Variants in CPOX observed in about 807,000 individuals in gnomAD.
CPOX encodes the protein oxygen-dependent coproporphyrinogen-III oxidase, mitochondrial.
Under a neutral mutation model 48.9 loss-of-function variants are expected in CPOX, and 24 were observed. The ratio of observed to expected loss-of-function variants is 0.49; its 90% CI spans 0.36 to 0.69. CPOX has a LOEUF of 0.69. Ranked by LOEUF, CPOX falls within the 30% of genes least tolerant of loss-of-function variation. The pLI is 0.00. For missense variants in CPOX, 549 were observed against 597.3 expected (o/e 0.92, Z 0.84); for synonymous variants, 249 against 234.6 (o/e 1.06, Z -0.56).
At chr3:98,582,547 C>A (rs933169873) in intron 5 of CPOX, among the ~76,000 whole-genome samples, 2 of 151,066 alleles carry the variant, frequency 1.3e-5, no homozygotes, top group Non-Finnish European at 2.9e-5. Flanking sequence ...GGCTGGAGTG[C>A]AGTGGCGCAA....
the CPOX span, among the ~76,000 whole-genome samples, chr3:98,570,667 A>G: frequency 6.6e-6 from 1 of 152,226 alleles, no homozygotes; most frequent in Non-Finnish European, 1.5e-5. Flanking sequence ...AAAGATTTTA[A>G]TTAAATACTT....
chr3:98,577,863 G>A (rs1456539351), downstream of CPOX, among the ~76,000 whole-genome samples: 1 of 152,178 alleles, frequency 6.6e-6, no homozygotes, highest in Non-Finnish European at 1.5e-5. Context: ...TCTAAATATT[G>A]TAACAGCAAA....
intron 6 of CPOX, 55 bp downstream of exon 6, chr3:98,581,352 G>T: frequency 2.4e-6 from 3 of 1,228,366 alleles, no homozygotes; most frequent in Non-Finnish European, 2.4e-6. Flanking sequence ...ATATTTTGTG[G>T]GTGTTTGGGA....
Position 98,580,663 on chromosome 3 carries a change from G to T in CPOX, c.*20C>A, listed in dbSNP as rs1188634517. 1.9e-6 allele frequency: 3 copies of T among 1,613,956 alleles called. No homozygotes were observed. Among genetic ancestry groups the T allele is most frequent in the East Asian group, 2.2e-5 (1 of 44,870 alleles). On this transcript the variant is annotated 3_prime_UTR_variant, in exon 7 of 7. Coordinates refer to ENST00000647941, the MANE Select transcript of CPOX (RefSeq NM_000097.7). ...CACATCGTGTGCCCTCCAAACCCCT[G>T]CACAGCCATTCTGCCTGCATCAACG...
downstream of CPOX, among the ~76,000 whole-genome samples, chr3:98,578,618 C>T (rs1707195665): frequency 6.6e-6 from 1 of 152,176 alleles, no homozygotes; most frequent in South Asian, 2.1e-4. Context: ...TCCCCTAACC[C>T]CTGCCATCCA....
chr3:98,575,789 C>T (rs1477700061), downstream of CPOX, among the ~76,000 whole-genome samples: 2 of 151,366 alleles, frequency 1.3e-5, no homozygotes, highest in East Asian at 1.9e-4. Flanking sequence ...AAAAATTAGC[C>T]GGGTGTGCTG....
downstream of CPOX, among the ~76,000 whole-genome samples, chr3:98,575,219 G>A (rs73858713): frequency 0.028 from 4,228 of 152,256 alleles, 198 homozygotes; most frequent in African/African-American, 0.096. Context: ...ACACATCCAT[G>A]ACAGAGTCAG....
chr3:98,580,119 C>T lies in CPOX; in HGVS notation c.*564G>A. On this transcript the variant is annotated 3_prime_UTR_variant, in exon 7 of 7. Coordinates refer to ENST00000647941, the MANE Select transcript of CPOX (RefSeq NM_000097.7). ...CATGCAGAGATTATTTCAAGTGCTT[C>T]TAAATACCTATTAGAAAAATGTGTA... The T allele has an allele frequency of 2.3e-6, 2 of 853,616 alleles. No individual in the cohort carries two copies. 52.9% of individuals were successfully genotyped at this position (853,616 alleles called of 1,614,324 possible).
rs1277064972 is a variant in CPOX, at chr3:98,590,739, T to C, written c.704A>G (p.Lys235Arg). The C allele has an allele frequency of 6.2e-7, 1 of 1,608,704 alleles. No homozygotes were observed. The highest frequency in any genetic ancestry group is 1.7e-5 in the Admixed American group (1 of 60,006). Residue 235 changes from lysine to arginine, a missense_variant, in exon 3 of 7, where the codon AAA (lysine) becomes AGA (arginine). Physicochemically the swap from Lys to Arg is conservative, Grantham distance 26 (BLOSUM62 2). This residue lies in a region of CPOX where 213 missense variants were observed against 279.1 expected (regional missense o/e 0.76). Transcript: ENST00000647941. ...RGKVLKTKDGKLPFCAMGVSS... is the reference protein window; with the variant it reads ...RGKVLKTKDGRLPFCAMGVSS... The stretch of plus-strand genomic sequence containing the variant: ...CACGCCCATAGCACAAAATGGCAAT[T>C]TACCTGGAAAGTAAAATATGAGTCA...
chr3:98,572,807 T>C, the CPOX span, among the ~76,000 whole-genome samples: 1 of 152,208 alleles, frequency 6.6e-6, no homozygotes, highest in Non-Finnish European at 1.5e-5. Context: ...ATCAAGACAT[T>C]CTGCTTTCTT....
intron 3 of CPOX, chr3:98,589,598 A>C (rs1181943893): frequency 1.3e-5 from 2 of 152,462 alleles, no homozygotes; most frequent in Non-Finnish European, 2.9e-5. Context: ...TCCTTGTATT[A>C]AGAACCATTG....
downstream of CPOX, among the ~76,000 whole-genome samples, chr3:98,577,398 A>G (rs552273140): frequency 8.1e-4 from 123 of 152,290 alleles, 1 homozygote; most frequent in African/African-American, 2.9e-3. Context: ...CAGGGAGAGC[A>G]TTGCAAAAGT....
intron 4 of CPOX, chr3:98,585,879 C>A (rs562886526): frequency 2.5e-6 from 1 of 407,088 alleles, no homozygotes; most frequent in South Asian, 2.8e-5. Context: ...CTTTTCTTTT[C>A]TTTTTTTTTT....
At chr3:98,591,318 C>A (rs906597094) in intron 1 of CPOX, among the ~76,000 whole-genome samples, 163 bp from the exon 2 acceptor site, 1 of 152,218 alleles carries the variant, frequency 6.6e-6, no homozygotes, top group African/African-American at 2.4e-5. Flanking sequence ...AGCTTTATGA[C>A]ATATGCTATT....
downstream of CPOX, among the ~76,000 whole-genome samples, chr3:98,577,292 C>G (rs149015909): frequency 3.4e-3 from 516 of 152,222 alleles, 3 homozygotes; most frequent in African/African-American, 0.012. Flanking sequence ...AGAATTCTGT[C>G]TGGAGAGGAG....
chr3:98,572,192 A>G, the CPOX span, among the ~76,000 whole-genome samples: 1 of 152,004 alleles, frequency 6.6e-6, no homozygotes, highest in Non-Finnish European at 1.5e-5. Flanking sequence ...TAGCTCCTGG[A>G]TTTTTTTCTC....
the CPOX span, among the ~76,000 whole-genome samples, chr3:98,572,626 ATTACCT>A: frequency 6.6e-6 from 1 of 152,120 alleles, no homozygotes; most frequent in Admixed American, 6.5e-5. Flanking sequence ...TAGTCTACTG[ATTACCT>A]TTACTATACT....
intron 6 of CPOX, among the ~76,000 whole-genome samples, chr3:98,580,978 G>C (rs1707248299): frequency 6.6e-6 from 1 of 152,070 alleles, no homozygotes; most frequent in South Asian, 2.1e-4. Context: ...CAACTCTTGG[G>C]TATGCTTTGG....
At chr3:98,570,694 T>G in the CPOX span, among the ~76,000 whole-genome samples, 4,232 of 152,292 alleles carry the variant, frequency 0.028, 197 homozygotes, top group African/African-American at 0.096. Context: ...CACATTAATA[T>G]TTATAAAATA....
Sources: gnomAD v4.1 joint callset for allele counts (sites outside exome capture counted in the v4.1 genomes callset) on GRCh38, gnomAD v4.1.1 for gene constraint, gnomAD v4.1.1 regional missense constraint, MANE v1.5 for transcripts, NCBI Gene and HGNC (gene_info 2026-07-23, HGNC 2026-07-21) for gene names.